The following SLC9A9 variants were observed in gnomAD, a reference collection of about 807,000 sequenced individuals.
SLC9A9 encodes the protein sodium/hydrogen exchanger 9.
SLC9A9 carries 62 observed loss-of-function variants against 77.8 expected under a neutral mutation model. That is an observed-to-expected ratio of 0.80 (90% CI 0.65 to 0.98). The LOEUF is 0.98. Ranked by LOEUF, SLC9A9 falls within the 50% of genes least tolerant of loss-of-function variation. The probability of loss-of-function intolerance (pLI) is 0.00; values close to 1 mark genes in which losing one functional copy is unlikely to be tolerated. For synonymous variants in SLC9A9, 320 were observed against 283.5 expected (o/e 1.13, Z -1.29); for missense variants, 775 against 774.9 (o/e 1.00, Z 0.00).
At chr3:143,666,044 T>C (rs1000038567) in intron 5 of SLC9A9, among the ~76,000 whole-genome samples, 4 of 152,114 alleles carry the variant, frequency 2.6e-5, no homozygotes. Flanking sequence ...AAGAGACTTT[T>C]AGACCAATAT....
chr3:143,721,092 C>T (rs543060843), intron 4 of SLC9A9, among the ~76,000 whole-genome samples: 2 of 152,240 alleles, frequency 1.3e-5, no homozygotes, highest in Middle Eastern at 6.8e-3. Flanking sequence ...TTAGTAAATG[C>T]CTGTAGTCCC....
At chr3:143,672,007 G>A (rs987559536) in intron 5 of SLC9A9, among the ~76,000 whole-genome samples, 1 of 152,192 alleles carries the variant, frequency 6.6e-6, no homozygotes, top group African/African-American at 2.4e-5. Flanking sequence ...CTTTATAGAT[G>A]ACAGAGCAAA....
At chr3:143,385,695 A>G (rs1045186346) in intron 12 of SLC9A9, among the ~76,000 whole-genome samples, 2 of 152,210 alleles carry the variant, frequency 1.3e-5, no homozygotes, top group African/African-American at 4.8e-5. Context: ...AAGACATAAT[A>G]TTGTCCCAGT....
At chr3:143,820,774 AATG>A (rs2009145492) in intron 2 of SLC9A9, among the ~76,000 whole-genome samples, 1 of 152,042 alleles carries the variant, frequency 6.6e-6, no homozygotes. Flanking sequence ...GCACATCAAC[AATG>A]ATTTCTTTCT....
intron 5 of SLC9A9, among the ~76,000 whole-genome samples, chr3:143,668,457 G>T (rs1199167293): frequency 2.0e-5 from 3 of 152,096 alleles, no homozygotes; most frequent in African/African-American, 7.2e-5. Context: ...TTGTGCACAT[G>T]TACTGGAACT....
chr3:143,607,727 A>G (rs2037951692), intron 6 of SLC9A9, among the ~76,000 whole-genome samples: 1 of 151,952 alleles, frequency 6.6e-6, no homozygotes, highest in South Asian at 2.1e-4. Flanking sequence ...CAAAATCAGG[A>G]AAGAGGAAAA....
At chr3:143,363,741 G>A (rs900419424) in intron 13 of SLC9A9, among the ~76,000 whole-genome samples, 178 bp from the exon 14 acceptor site, 3 of 152,176 alleles carry the variant, frequency 2.0e-5, no homozygotes, top group African/African-American at 4.8e-5. Context: ...ATCTTGCTAT[G>A]TGGATGAGAC....
chr3:143,575,753 T>G (rs2037346996), intron 7 of SLC9A9, among the ~76,000 whole-genome samples: 1 of 152,170 alleles, frequency 6.6e-6, no homozygotes, highest in Admixed American at 6.6e-5. Context: ...CTAACATTCT[T>G]TTCTTTCAAT....
chr3:143,687,458 T>C lies in SLC9A9; in HGVS notation c.649+5734A>G, dbSNP rs139296565. Among the ~76,000 whole-genome samples, 598 of 152,268 alleles carry C rather than the reference T, an allele frequency of 3.9e-3. 3 individuals are homozygous for C. Among genetic ancestry groups the C allele is most frequent in the South Asian group, 0.023 (111 of 4,820 alleles). ...AGAGAGTGGGTTCGGCATGTTTTAATATAACAATTAGTTCCCAGTAAAAGA... is the reference window on the plus strand; with the variant it reads ...AGAGAGTGGGTTCGGCATGTTTTAACATAACAATTAGTTCCCAGTAAAAGA... On this transcript the variant is annotated intron_variant, in intron 5 of 15. Coordinates refer to ENST00000316549, the MANE Select transcript of SLC9A9 (RefSeq NM_173653.4).
intron 9 of SLC9A9, among the ~76,000 whole-genome samples, chr3:143,520,330 TGA>T (rs1288619578): frequency 6.6e-6 from 1 of 152,118 alleles, no homozygotes; most frequent in South Asian, 2.1e-4. Context: ...AGAATAGAGT[TGA>T]GAGAGAGACC....
chr3:143,342,617 C>G (rs1303742099), intron 14 of SLC9A9, among the ~76,000 whole-genome samples: 1 of 152,212 alleles, frequency 6.6e-6, no homozygotes, highest in Non-Finnish European at 1.5e-5. Flanking sequence ...CAAGGCCAAA[C>G]AGCTTCCAAT....
intron 4 of SLC9A9, among the ~76,000 whole-genome samples, chr3:143,794,097 T>C (rs1183995828): frequency 6.6e-6 from 1 of 152,210 alleles, no homozygotes; most frequent in African/African-American, 2.4e-5. Context: ...AAAATCCCTC[T>C]GCTTACAGGC....
intron 1 of SLC9A9, among the ~76,000 whole-genome samples, chr3:143,842,320 G>A (rs1347150528): frequency 6.6e-6 from 1 of 152,166 alleles, no homozygotes. Flanking sequence ...GGCGGAGGTG[G>A]CAGTGAGCCG....
chr3:143,709,603 A>G (rs939675960), intron 4 of SLC9A9, among the ~76,000 whole-genome samples: 7 of 152,194 alleles, frequency 4.6e-5, no homozygotes, highest in African/African-American at 1.7e-4. Context: ...GAGCTGCCTG[A>G]GATGCAATTA....
At position 143,502,523 on chromosome 3, in the gene SLC9A9, T is replaced by C. The variant is rs2035938636; in HGVS notation, c.1090-7075A>G. Among the ~76,000 whole-genome samples, 2 of 152,238 alleles carry C rather than the reference T, an allele frequency of 1.3e-5. 1 individual carries two copies. Among genetic ancestry groups the C allele is most frequent in the South Asian group, 4.1e-4 (2 of 4,834 alleles). ...AAAATATGTTTATCACTAATTCTGA[T>C]TGACCTTTTTCTTCTATCCACACAA... is the stretch of plus-strand genomic sequence containing the variant. On this transcript the variant is annotated intron_variant, in intron 9 of 15. Coordinates refer to ENST00000316549, the MANE Select transcript of SLC9A9 (RefSeq NM_173653.4).
intron 6 of SLC9A9, among the ~76,000 whole-genome samples, chr3:143,607,570 C>A (rs1364572904): frequency 6.6e-6 from 1 of 151,914 alleles, no homozygotes; most frequent in East Asian, 1.9e-4. Flanking sequence ...TATTTCAGAG[C>A]TTGTTAATTA....
intron 4 of SLC9A9, among the ~76,000 whole-genome samples, chr3:143,787,821 C>T (rs1272578946): frequency 6.6e-6 from 1 of 150,864 alleles, no homozygotes; most frequent in African/African-American, 2.4e-5. Context: ...ATAAGGTATA[C>T]AAATACAAAT....
At chr3:143,681,635 G>A (rs962230434) in intron 5 of SLC9A9, among the ~76,000 whole-genome samples, 3 of 152,212 alleles carry the variant, frequency 2.0e-5, no homozygotes, top group Non-Finnish European at 4.4e-5. Context: ...TTCTTATAAG[G>A]TTGTTCAAAT....
chr3:143,572,417 C>G (rs934228174), intron 8 of SLC9A9, among the ~76,000 whole-genome samples: 4 of 151,676 alleles, frequency 2.6e-5, no homozygotes, highest in Non-Finnish European at 5.9e-5. Flanking sequence ...AATATTTTTT[C>G]TTATTATTAA....
Sources: allele counts gnomAD v4.1 joint callset (sites outside exome capture counted in the v4.1 genomes callset), GRCh38; gene constraint gnomAD v4.1.1; transcripts MANE v1.5; gene names NCBI Gene and HGNC (gene_info 2026-07-23, HGNC 2026-07-21).